PRKCZ: variants seen among roughly 807,000 people sequenced by gnomAD.
PRKCZ encodes protein kinase C zeta type.
A neutral mutation model predicts 79.5 loss-of-function variants in PRKCZ; 33 were observed. The ratio of observed to expected loss-of-function variants is 0.41; its 90% CI spans 0.31 to 0.55. PRKCZ has a LOEUF of 0.55. Among genes scored for constraint, PRKCZ ranks in the 20% least tolerant of loss-of-function variants. The pLI is 0.19. For missense variants in PRKCZ, 578 were observed against 813.5 expected, an observed-to-expected ratio of 0.71 and a Z score of 3.52; for synonymous variants, 342 against 320.9, an observed-to-expected ratio of 1.07 and a Z score of -0.70.
chr1:2,073,787 C>A, intron 4 of PRKCZ: 1 of 1,020,374 alleles, frequency 9.8e-7, no homozygotes, highest in Non-Finnish European at 1.2e-6. Context: ...GCTCCTCGCG[C>A]TCGAGCCTCC....
chr1:2,067,851 C>T (rs182041655), intron 4 of PRKCZ, among the ~76,000 whole-genome samples: 111 of 152,294 alleles, frequency 7.3e-4, no homozygotes, highest in Non-Finnish European at 1.4e-3. Flanking sequence ...AATATTTTTC[C>T]TTCTGGCTTC....
intron 16 of PRKCZ, chr1:2,181,868 A>G (rs1686677824): frequency 2.2e-6 from 1 of 456,390 alleles, no homozygotes. Flanking sequence ...CTGATGAATG[A>G]AGGGGGCATC....
At position 2,172,260 on chromosome 1, in the gene PRKCZ, G is replaced by C. The variant is rs1684586433; in HGVS notation, c.1198-41G>C. 6.2e-7 allele frequency: 1 copy of C among 1,613,376 alleles called. No homozygotes were observed. Among genetic ancestry groups the C allele is most frequent in the Non-Finnish European group, 8.5e-7 (1 of 1,180,014 alleles). On this transcript the variant is annotated intron_variant, in intron 12 of 17. Coordinates refer to ENST00000378567, the MANE Select transcript of PRKCZ (RefSeq NM_002744.6). This position sits in a 1 kb window ranked among gnomAD's most constrained non-coding sequence, Gnocchi z 7.8. Reference sequence around the variant, plus strand: ...CTCGGGGCGCCTGTCCCGCGGGGTAGTGTCTACAAGAACCCTCTCCCAGTA... The same window carrying C: ...CTCGGGGCGCCTGTCCCGCGGGGTACTGTCTACAAGAACCCTCTCCCAGTA...
Position 2,144,326 on chromosome 1 carries a change from C to T in PRKCZ, c.537C>T (p.Thr179=). 1 of 1,574,588 alleles carries T rather than the reference C, an allele frequency of 6.4e-7. No homozygotes were observed. The highest frequency in any genetic ancestry group is 2.3e-5 in the East Asian group (1 of 43,574). Reference sequence around the variant, plus strand: ...GCTGCCACGGCCTCGTCCCGCTGACCTGCAGGAAGCATATGGTGAGTGGCA... The same window carrying T: ...GCTGCCACGGCCTCGTCCCGCTGACTTGCAGGAAGCATATGGTGAGTGGCA... ...HKRCHGLVPL[T]CRKHMDSVMP... Residue 179 remains threonine (T), a synonymous_variant, in exon 6 of 18, where the codon ACC becomes ACT. Transcript: ENST00000378567.
intron 4 of PRKCZ, among the ~76,000 whole-genome samples, chr1:2,099,797 C>T (rs936492434): frequency 2.0e-5 from 3 of 152,212 alleles, no homozygotes; most frequent in South Asian, 2.1e-4. Context: ...ACCTATTTCC[C>T]GTTCCAATTA....
intron 4 of PRKCZ, among the ~76,000 whole-genome samples, chr1:2,102,942 CA>C (rs1274775500): frequency 6.6e-6 from 1 of 152,060 alleles, no homozygotes; most frequent in East Asian, 1.9e-4. Flanking sequence ...TACAGTGGTA[CA>C]ATCACGGCTC....
Position 2,163,613 on chromosome 1 carries a change from G to A in PRKCZ, c.975-5905G>A, listed in dbSNP as rs770148660. Among the ~76,000 whole-genome samples the A allele has an allele frequency of 2.2e-4, 34 of 152,184 alleles. 2 individuals are homozygous for A. The highest frequency in any genetic ancestry group is 1.2e-3 in the Admixed American group (18 of 15,284). ...GCTATCAAGAAAAAACACTGAGGCC[G>A]GGTGCGGTGGCTCACGCCTGTAATC... is the stretch of plus-strand genomic sequence containing the variant. On this transcript the variant is annotated intron_variant, in intron 10 of 17. Transcript: ENST00000378567.
chr1:2,181,053 C>T (rs1167315807), intron 16 of PRKCZ, among the ~76,000 whole-genome samples: 2 of 152,096 alleles, frequency 1.3e-5, no homozygotes, highest in Non-Finnish European at 2.9e-5. Flanking sequence ...CCATGCGGGG[C>T]CTAGCCCAGC....
chr1:2,098,350 C>G (rs539026124), intron 4 of PRKCZ: 3 of 152,204 alleles, frequency 2.0e-5, no homozygotes, highest in African/African-American at 7.2e-5. Context: ...TCTACAGGAG[C>G]GGTGCCGCTG....
chr1:2,164,933 G>C (rs770325279), intron 10 of PRKCZ, among the ~76,000 whole-genome samples: 1 of 152,154 alleles, frequency 6.6e-6, no homozygotes, highest in African/African-American at 2.4e-5. Context: ...CCCAGGCCGT[G>C]TCTCCTGGCT....
intron 4 of PRKCZ, among the ~76,000 whole-genome samples, chr1:2,073,304 C>T (rs1217821705): frequency 2.6e-5 from 4 of 152,212 alleles, no homozygotes; most frequent in African/African-American, 4.8e-5. Flanking sequence ...ACAACCACAT[C>T]GCAAGGCCCC....
chr1:2,078,602 T>C (rs890480036), intron 4 of PRKCZ, among the ~76,000 whole-genome samples: 2 of 152,210 alleles, frequency 1.3e-5, no homozygotes, highest in African/African-American at 4.8e-5. Flanking sequence ...TGAGGAGCTT[T>C]ACACCCAGTT....
chr1:2,058,341 G>A (rs373471856), intron 3 of PRKCZ, among the ~76,000 whole-genome samples: 1 of 144,830 alleles, frequency 6.9e-6, no homozygotes, highest in Non-Finnish European at 1.5e-5. Context: ...ATATTCAGAC[G>A]TGGTGGTGCA....
intron 4 of PRKCZ, among the ~76,000 whole-genome samples, chr1:2,111,429 C>T (rs1425271921): frequency 6.6e-6 from 1 of 151,092 alleles, no homozygotes; most frequent in Non-Finnish European, 1.5e-5. Context: ...GAGGGGATCA[C>T]GCAACAAGGG....
chr1:2,095,589 C>A (rs1287741008), intron 4 of PRKCZ, among the ~76,000 whole-genome samples: 1 of 152,106 alleles, frequency 6.6e-6, no homozygotes, highest in South Asian at 2.1e-4. Context: ...ATGCGTGCGT[C>A]CTGCATGGGT....
At chr1:2,086,085 G>A (rs567615132) in intron 4 of PRKCZ, among the ~76,000 whole-genome samples, 24 of 148,328 alleles carry the variant, frequency 1.6e-4, no homozygotes, top group Admixed American at 2.7e-4. Context: ...AAATTGAGAC[G>A]GAGTCTTGCT....
At chr1:2,140,526 G>A (rs1571756554) in intron 5 of PRKCZ, among the ~76,000 whole-genome samples, 1 of 152,058 alleles carries the variant, frequency 6.6e-6, no homozygotes, top group Non-Finnish European at 1.5e-5. Context: ...GCGTGGTGGT[G>A]GGTGCCTGTA....
At chr1:2,065,300 C>T (rs1203395720) in intron 4 of PRKCZ, among the ~76,000 whole-genome samples, 1 of 152,200 alleles carries the variant, frequency 6.6e-6, no homozygotes, top group African/African-American at 2.4e-5. Flanking sequence ...GATAATTTTA[C>T]TTTTTCCTTC....
chr1:2,103,005 G>T (rs980151935), intron 4 of PRKCZ, among the ~76,000 whole-genome samples: 2 of 152,178 alleles, frequency 1.3e-5, no homozygotes, highest in African/African-American at 4.8e-5. Flanking sequence ...AACTAGCTGG[G>T]ACTTCAGGCG....
Sources: gnomAD v4.1 joint callset for allele counts (sites outside exome capture counted in the v4.1 genomes callset) on GRCh38, gnomAD v4.1.1 for gene constraint, Gnocchi (gnomAD v3.1) non-coding constraint, MANE v1.5 for transcripts, NCBI Gene and HGNC (gene_info 2026-07-23, HGNC 2026-07-21) for gene names.